Variants in QTMAN observed in about 807,000 individuals in gnomAD.
QTMAN encodes the protein queuosine-tRNA mannosyltransferase.
chr2:144,062,490 A>G, the QTMAN span, among the ~76,000 whole-genome samples: 15,518 of 152,194 alleles, frequency 0.1, 1,207 homozygotes, highest in East Asian at 0.26. Flanking sequence ...GAATAAATAC[A>G]TGAGAAGCTT....
chr2:144,258,130 A>T, the QTMAN span, among the ~76,000 whole-genome samples: 1 of 151,952 alleles, frequency 6.6e-6, no homozygotes. Context: ...GACAGGCATT[A>T]AAAAAATGAT....
the QTMAN span, among the ~76,000 whole-genome samples, chr2:144,323,359 T>G: frequency 3.9e-5 from 6 of 152,200 alleles, no homozygotes; most frequent in Non-Finnish European, 5.9e-5. Context: ...TGTTATCACT[T>G]CTTCAAGGAC....
chr2:144,332,330 C>G, the QTMAN span: 6 of 149,578 alleles, frequency 4.0e-5, no homozygotes, highest in Non-Finnish European at 8.9e-5. Flanking sequence ...CCTCTGGGAT[C>G]TCCGCGCAGC....
the QTMAN span, among the ~76,000 whole-genome samples, chr2:144,169,256 T>C: frequency 6.6e-6 from 1 of 152,132 alleles, no homozygotes; most frequent in South Asian, 2.1e-4. Context: ...GCAGCCATGG[T>C]TGAGAGGCAT....
the QTMAN span, among the ~76,000 whole-genome samples, chr2:143,997,581 G>A: frequency 1.3e-5 from 2 of 151,978 alleles, no homozygotes; most frequent in African/African-American, 2.4e-5. Context: ...TTCCCTTGTG[G>A]TAAAGCTGAT....
At chr2:144,217,498 TTAATA>T in the QTMAN span, among the ~76,000 whole-genome samples, 1 of 152,080 alleles carries the variant, frequency 6.6e-6, no homozygotes, top group Non-Finnish European at 1.5e-5. Flanking sequence ...TCACTATAAA[TTAATA>T]TATTAATTGC....
the QTMAN span, chr2:143,952,193 T>G: frequency 8.8e-5 from 57 of 645,730 alleles, no homozygotes; most frequent in Middle Eastern, 1.5e-3. Flanking sequence ...TTTACATTAT[T>G]TAAGCATGAT....
the QTMAN span, among the ~76,000 whole-genome samples, chr2:144,274,565 T>C: frequency 6.6e-6 from 1 of 152,148 alleles, no homozygotes; most frequent in Non-Finnish European, 1.5e-5. Context: ...TGAACCTCCA[T>C]AAAAACCCCA....
the QTMAN span, among the ~76,000 whole-genome samples, chr2:144,115,082 T>A: frequency 8.6e-5 from 13 of 151,880 alleles, no homozygotes; most frequent in Non-Finnish European, 1.5e-4. Context: ...TACAAAAAAA[T>A]TAGCCAGCTG....
the QTMAN span, among the ~76,000 whole-genome samples, chr2:144,187,860 T>C: frequency 1.1e-4 from 17 of 152,160 alleles, no homozygotes; most frequent in Non-Finnish European, 7.3e-5. Context: ...TTTAATCAAA[T>C]TTAGATGAGG....
the QTMAN span, chr2:144,007,451 A>G: frequency 1.2e-6 from 2 of 1,613,318 alleles, no homozygotes; most frequent in Non-Finnish European, 1.7e-6. Context: ...GCTGAAAAGG[A>G]AGGGCCATGG....
the QTMAN span, among the ~76,000 whole-genome samples, chr2:144,273,544 G>T: frequency 6.6e-6 from 1 of 152,136 alleles, no homozygotes; most frequent in Admixed American, 6.5e-5. Context: ...CCAGGCAGGG[G>T]AGGGAAAAGA....
chr2:144,107,118 G>A, the QTMAN span, among the ~76,000 whole-genome samples: 2 of 152,308 alleles, frequency 1.3e-5, no homozygotes, highest in Admixed American at 6.5e-5. Flanking sequence ...TGTGTAAAGG[G>A]AAACTTATAG....
chr2:144,105,460 C>T, the QTMAN span, among the ~76,000 whole-genome samples: 2 of 152,172 alleles, frequency 1.3e-5, no homozygotes, highest in African/African-American at 4.8e-5. Flanking sequence ...GATGAATGCA[C>T]ACGTTTCAGT....
At chr2:144,014,518 T>C in the QTMAN span, among the ~76,000 whole-genome samples, 1 of 152,100 alleles carries the variant, frequency 6.6e-6, no homozygotes, top group Non-Finnish European at 1.5e-5. Flanking sequence ...AGACTAGCTA[T>C]AAGTCAAAAT....
At chr2:144,127,217 TTGATCA>T in the QTMAN span, among the ~76,000 whole-genome samples, 1 of 152,004 alleles carries the variant, frequency 6.6e-6, no homozygotes, top group African/African-American at 2.4e-5. Context: ...CTGATTGTTA[TTGATCA>T]TAACAGCCCT....
chr2:143,968,120 T>G, the QTMAN span, among the ~76,000 whole-genome samples: 167 of 152,336 alleles, frequency 1.1e-3, no homozygotes, highest in South Asian at 4.8e-3. Flanking sequence ...ATTCCACACC[T>G]GGGCTCCTCC....
chr2:144,223,654 C>CT, the QTMAN span, among the ~76,000 whole-genome samples: 1 of 152,200 alleles, frequency 6.6e-6, no homozygotes, highest in East Asian at 1.9e-4. Flanking sequence ...CAATTATAGA[C>CT]TTAAGATTTC....
At chr2:144,149,347 T>C in the QTMAN span, among the ~76,000 whole-genome samples, 316 of 152,094 alleles carry the variant, frequency 2.1e-3, 1 homozygote, top group Non-Finnish European at 3.5e-3. Flanking sequence ...GAAGATGTTA[T>C]AAGGTTTTAT....
Sources: allele counts gnomAD v4.1 joint callset (sites outside exome capture counted in the v4.1 genomes callset), GRCh38; gene constraint gnomAD v4.1.1; transcripts MANE v1.5; gene names NCBI Gene and HGNC (gene_info 2026-07-23, HGNC 2026-07-21).